CXorf58: variants seen among roughly 807,000 people sequenced by gnomAD.
CXorf58 encodes the protein chromosome X open reading frame 58.
In CXorf58, 24 loss-of-function variants were observed where a neutral mutation model predicts 26.0. The observed-to-expected ratio is 0.92, with a 90% confidence interval of 0.67 to 1.30. CXorf58 has a LOEUF of 1.30. CXorf58 is among the 50% of genes most tolerant of loss of function. The pLI is 0.00. For missense variants in CXorf58, 236 were observed against 263.9 expected, an observed-to-expected ratio of 0.89 and a Z score of 0.73; for synonymous variants, 87 against 86.1, an observed-to-expected ratio of 1.01 and a Z score of -0.06.
intron 5 of CXorf58, among the ~76,000 whole-genome samples, chrX:23,917,488 G>A (rs1927759561): frequency 9.1e-6 from 1 of 109,600 alleles, no homozygotes; most frequent in African/African-American, 3.3e-5. Context: ...TGCGATCTCA[G>A]CTCACCACAA....
rs772527680 is a variant in CXorf58, at chrX:23,927,391, AAAAC to A, written c.555+30_555+33del. On this transcript the variant is annotated intron_variant, in intron 6 of 8. Coordinates refer to ENST00000379211, the MANE Select transcript of CXorf58 (RefSeq NM_152761.3). ...TACAAGTAAGGAATTTAGATTTAGA[AAAAC>A]AAACAAACCCAGCAAGTCTTCCTAA... is the stretch of plus-strand genomic sequence containing the variant. The A allele has an allele frequency of 7.5e-6, 8 of 1,072,669 alleles. No homozygotes were observed. In the South Asian group the frequency reaches 1.3e-4, roughly 17 times the overall value. 88.4% of individuals were successfully genotyped at this position (1,072,669 alleles called of 1,213,427 possible).
At chrX:23,937,494 G>A (rs1243750140) in intron 7 of CXorf58, among the ~76,000 whole-genome samples, 1 of 102,714 alleles carries the variant, frequency 9.7e-6, no homozygotes, top group Non-Finnish European at 2.0e-5. Flanking sequence ...GCACAATCTC[G>A]GCTCCCCACA....
chrX:23,910,853 T>C lies in CXorf58; in HGVS notation c.116+435T>C, dbSNP rs537896250. On this transcript the variant is annotated intron_variant, in intron 2 of 8. Transcript: ENST00000379211. The stretch of plus-strand genomic sequence containing the variant: ...CGATCTCGGCTCACTGCAACCTCTG[T>C]CTCCTGGGTTCAAGCGATTCTCCTG... 8.8e-5 allele frequency among the ~76,000 whole-genome samples: 9 copies of C among 102,736 alleles called. No homozygotes were observed. The South Asian group carries it at 4.2e-3, about 48-fold the overall frequency. The allele number at this position is 102,736 out of a possible 115,157, so 89.2% of individuals were successfully genotyped here.
intron 5 of CXorf58, among the ~76,000 whole-genome samples, chrX:23,921,499 A>C: frequency 8.9e-6 from 1 of 111,828 alleles, no homozygotes; most frequent in Non-Finnish European, 1.9e-5. Flanking sequence ...ATCAGAACAT[A>C]CCCAACTTGA....
intron 5 of CXorf58, among the ~76,000 whole-genome samples, chrX:23,919,867 C>T (rs1385601444): frequency 8.8e-6 from 1 of 113,167 alleles, no homozygotes; most frequent in Non-Finnish European, 1.9e-5. Context: ...CATTAGGGGG[C>T]ACCCCAAGCC....
chrX:23,908,584 A>T (rs1385876103), intron 1 of CXorf58, among the ~76,000 whole-genome samples: 2 of 112,232 alleles, frequency 1.8e-5, no homozygotes, highest in East Asian at 5.6e-4. Flanking sequence ...AAGACCACAT[A>T]GGAAGTGGGA....
At chrX:23,913,062 T>C (rs936576394) in intron 3 of CXorf58, among the ~76,000 whole-genome samples, 1 of 110,569 alleles carries the variant, frequency 9.0e-6, no homozygotes, top group Admixed American at 9.7e-5. Context: ...AAAAGGTGCA[T>C]ATCCCCCCTC....
chrX:23,911,719 A>T, intron 2 of CXorf58, 38 bp from the exon 3 acceptor site: 1 of 970,896 alleles, frequency 1.0e-6, no homozygotes, highest in Non-Finnish European at 1.4e-6. Context: ...GGAAAATGAA[A>T]ACTACTTTAT....
At chrX:23,913,831 G>A (rs1215302126) in intron 3 of CXorf58, among the ~76,000 whole-genome samples, 1 of 109,763 alleles carries the variant, frequency 9.1e-6, no homozygotes, top group Non-Finnish European at 1.9e-5. Flanking sequence ...ATAGTGAGCC[G>A]AGTTTGAGCC....
chrX:23,932,405 C>A, intron 6 of CXorf58, among the ~76,000 whole-genome samples: 1 of 112,160 alleles, frequency 8.9e-6, no homozygotes, highest in East Asian at 2.8e-4. Context: ...CCCACAGTCA[C>A]CTGTTTCTTC....
intron 7 of CXorf58, among the ~76,000 whole-genome samples, chrX:23,938,060 A>AT (rs895384279): frequency 5.8e-5 from 6 of 104,180 alleles, no homozygotes; most frequent in African/African-American, 1.1e-4. Context: ...TAATTTTTGT[A>AT]TTTTTTTTTA....
chrX:23,923,599 A>G (rs1378041639), intron 5 of CXorf58, among the ~76,000 whole-genome samples: 7 of 104,523 alleles, frequency 6.7e-5, no homozygotes, highest in Non-Finnish European at 1.4e-4. Flanking sequence ...AGATGGCACC[A>G]CTGCACTCCA....
intron 1 of CXorf58, among the ~76,000 whole-genome samples, chrX:23,909,310 T>C (rs1043246322): frequency 8.9e-6 from 1 of 111,842 alleles, no homozygotes; most frequent in Admixed American, 9.5e-5. Context: ...CTTTCAATTA[T>C]AGTGTAGATA....
intron 3 of CXorf58, among the ~76,000 whole-genome samples, chrX:23,915,043 A>C (rs1301832007): frequency 8.9e-6 from 1 of 111,928 alleles, no homozygotes; most frequent in Non-Finnish European, 1.9e-5. Flanking sequence ...CTGAGGCAGG[A>C]GAATCGCTTG....
Position 23,939,432 on chromosome X carries a change from A to T in CXorf58, c.*129A>T. The T allele has an allele frequency of 2.2e-6, 1 of 456,956 alleles. No homozygotes were observed. 37.7% of individuals were successfully genotyped at this position (456,956 alleles called of 1,213,427 possible). A position where few individuals can be genotyped will look rare whatever the true frequency, so the allele number is the denominator to read the frequency against. Reference sequence around the variant, plus strand: ...GATAATGAACAGTTAATTGACAGAAAACCAAAGTTGTTTAACAATCTGCTT... The same window carrying T: ...GATAATGAACAGTTAATTGACAGAATACCAAAGTTGTTTAACAATCTGCTT... On this transcript the variant is annotated 3_prime_UTR_variant, in exon 9 of 9. Transcript: ENST00000379211.
At chrX:23,930,456 TG>T (rs1400710299) in intron 6 of CXorf58, among the ~76,000 whole-genome samples, 54 of 108,118 alleles carry the variant, frequency 5.0e-4, no homozygotes, top group African/African-American at 1.8e-3. Flanking sequence ...AGGGAGACCC[TG>T]TCTCTACAAA....
chrX:23,932,859 G>A (rs987764759), intron 6 of CXorf58, among the ~76,000 whole-genome samples: 2 of 111,431 alleles, frequency 1.8e-5, no homozygotes, highest in Non-Finnish European at 3.8e-5. Context: ...GCCGGGCCTG[G>A]TGGCACACGC....
At chrX:23,925,270 A>G (rs953225935) in intron 5 of CXorf58, among the ~76,000 whole-genome samples, 6 of 111,179 alleles carry the variant, frequency 5.4e-5, no homozygotes, top group African/African-American at 2.0e-4. Context: ...AATGCATTAT[A>G]GCTTGCTGTT....
rs768964040 is a variant in CXorf58 at position 23,919,123 on chromosome X, G to A, written c.423+2795G>A. ...TATTGATATCTTTCTCTGAATTTGG[G>A]AAGTTCTCTGCTGTTATCCCTTTGA... On this transcript the variant is annotated intron_variant, in intron 5 of 8. Transcript: ENST00000379211. 3.6e-5 allele frequency among the ~76,000 whole-genome samples: 4 copies of A among 111,607 alleles called. No homozygotes were observed. In the South Asian group the frequency reaches 1.5e-3, roughly 41 times the overall value.
Sources: gnomAD v4.1 joint callset for allele counts (sites outside exome capture counted in the v4.1 genomes callset) on GRCh38, gnomAD v4.1.1 for gene constraint, MANE v1.5 for transcripts, NCBI Gene and HGNC (gene_info 2026-07-23, HGNC 2026-07-21) for gene names.